Variants in IGFL2 observed in about 807,000 individuals in gnomAD.
The protein encoded by IGFL2 is IGF like family member 2, also known as insulin growth factor-like family member 2.
IGFL2 carries 7 observed loss-of-function variants against 13.9 expected under a neutral mutation model. The observed-to-expected ratio is 0.51, with a 90% CI of 0.29 to 0.95. The LOEUF is 0.95. IGFL2 is among the 40% of genes least tolerant of loss of function. The pLI is 0.08. For missense variants in IGFL2, 138 were observed against 147.8 expected, an observed-to-expected ratio of 0.93 and a Z score of 0.34; for synonymous variants, 55 against 55.8, an observed-to-expected ratio of 0.99 and a Z score of 0.07.
At chr19:46,105,828 G>T in the IGFL2 span, among the ~76,000 whole-genome samples, 1 of 152,196 alleles carries the variant, frequency 6.6e-6, no homozygotes, top group African/African-American at 2.4e-5. Flanking sequence ...TGGACAGAAA[G>T]GCTACAGGGT....
the IGFL2 span, among the ~76,000 whole-genome samples, chr19:46,082,318 G>C: frequency 6.6e-6 from 1 of 152,202 alleles, no homozygotes; most frequent in South Asian, 2.1e-4. Flanking sequence ...CTGTCTACAA[G>C]TATAAGGGGA....
chr19:46,158,749 A>G (rs968483), intron 1 of IGFL2, among the ~76,000 whole-genome samples: 64,021 of 151,964 alleles, frequency 0.42, 15,798 homozygotes, highest in Non-Finnish European at 0.57. Context: ...AAGGAGGCCA[A>G]TACCCTTCAA....
the IGFL2 span, among the ~76,000 whole-genome samples, chr19:46,182,516 A>G: frequency 6.6e-6 from 1 of 152,174 alleles, no homozygotes; most frequent in South Asian, 2.1e-4. Flanking sequence ...TGAGCCAAGT[A>G]CAAGAAAAAA....
At chr19:46,149,169 CTCTCTCTTCTCT>C (rs1209445834) in intron 1 of IGFL2, 54 of 646,138 alleles carry the variant, frequency 8.4e-5, no homozygotes, top group Middle Eastern at 4.0e-4. Flanking sequence ...TCTTCTCTCT[CTCTCTCTTCTCT>C]CTCTCTTTCT....
At chr19:46,176,183 C>G in the IGFL2 span, among the ~76,000 whole-genome samples, 2 of 142,414 alleles carry the variant, frequency 1.4e-5, no homozygotes, top group Admixed American at 7.0e-5. Flanking sequence ...AAAATTAATG[C>G]CAAAAAAAAA....
At chr19:46,139,382 C>T (rs971232682), upstream of IGFL2, among the ~76,000 whole-genome samples, 13 of 150,930 alleles carry the variant, frequency 8.6e-5, no homozygotes, top group African/African-American at 3.2e-4. Context: ...AAATTGAATT[C>T]TAAGATTTTA....
intron 1 of IGFL2, among the ~76,000 whole-genome samples, chr19:46,151,454 T>C (rs1443391655): frequency 6.6e-6 from 1 of 152,250 alleles, no homozygotes; most frequent in Non-Finnish European, 1.5e-5. Flanking sequence ...CATTGATCTA[T>C]ATGTCTATCC....
chr19:46,099,472 T>C, the IGFL2 span, among the ~76,000 whole-genome samples: 2 of 152,046 alleles, frequency 1.3e-5, no homozygotes, highest in Non-Finnish European at 2.9e-5. Context: ...CAGTCATAGG[T>C]TTGGTCTTTT....
chr19:46,201,906 TGTTGG>T, the IGFL2 span, among the ~76,000 whole-genome samples: 3 of 151,566 alleles, frequency 2.0e-5, no homozygotes, highest in South Asian at 2.1e-4. Flanking sequence ...AAGAGGAAAT[TGTTGG>T]GCAGGTTGGG....
the IGFL2 span, chr19:46,137,023 A>C: frequency 6.3e-7 from 1 of 1,583,446 alleles, no homozygotes; most frequent in South Asian, 1.1e-5. Context: ...CTTTCAATGC[A>C]GTCACAGTGG....
the IGFL2 span, among the ~76,000 whole-genome samples, chr19:46,102,762 C>G: frequency 1.3e-5 from 2 of 151,278 alleles, no homozygotes; most frequent in East Asian, 3.9e-4. Flanking sequence ...ACATTTCTGT[C>G]TTCTTATATT....
intron 3 of IGFL2, 37 bp from the exon 4 acceptor site, chr19:46,161,033 T>A (rs746627395): frequency 1.3e-5 from 21 of 1,575,584 alleles, no homozygotes; most frequent in Non-Finnish European, 1.8e-5. Context: ...TCTCCTTGTC[T>A]GTTATTCGTA....
chr19:46,172,940 C>T, the IGFL2 span, among the ~76,000 whole-genome samples: 4 of 152,004 alleles, frequency 2.6e-5, no homozygotes, highest in South Asian at 4.1e-4. Flanking sequence ...GCCTTCATAC[C>T]CCTCTATGTA....
chr19:46,113,509 AT>A, the IGFL2 span: 1 of 350,408 alleles, frequency 2.9e-6, no homozygotes. Context: ...GAAATCCAAG[AT>A]TTATCTTTAA....
At chr19:46,126,973 T>G in the IGFL2 span, among the ~76,000 whole-genome samples, 1 of 152,214 alleles carries the variant, frequency 6.6e-6, no homozygotes, top group East Asian at 1.9e-4. Context: ...TCATTCCAAT[T>G]TGAAACTTAG....
the IGFL2 span, among the ~76,000 whole-genome samples, chr19:46,167,427 G>A: frequency 1.3e-5 from 2 of 152,168 alleles, no homozygotes; most frequent in Admixed American, 6.5e-5. Flanking sequence ...ACCTTTGCCC[G>A]TATCTGATGG....
At chr19:46,196,835 C>T in the IGFL2 span, 2 of 152,740 alleles carry the variant, frequency 1.3e-5, no homozygotes, top group African/African-American at 4.8e-5. Flanking sequence ...CTCCAGAGCC[C>T]TCCTCTTCTT....
upstream of IGFL2, among the ~76,000 whole-genome samples, chr19:46,141,513 C>T (rs1449608811): frequency 6.6e-6 from 1 of 152,114 alleles, no homozygotes; most frequent in African/African-American, 2.4e-5. Context: ...GCTCATCCCA[C>T]AAGGCCCTTC....
the IGFL2 span, among the ~76,000 whole-genome samples, chr19:46,096,155 T>C: frequency 2.4e-4 from 37 of 152,342 alleles, no homozygotes; most frequent in South Asian, 1.9e-3. Context: ...TCCACAAGTG[T>C]GGAATGTTTT....
Sources: gnomAD v4.1 joint callset for allele counts (sites outside exome capture counted in the v4.1 genomes callset) on GRCh38, gnomAD v4.1.1 for gene constraint, MANE v1.5 for transcripts, NCBI Gene and HGNC (gene_info 2026-07-23, HGNC 2026-07-21) for gene names.